Variants in SLC26A7 observed in about 807,000 individuals in gnomAD.
SLC26A7 encodes solute carrier family 26 member 7.
In SLC26A7, 59 loss-of-function variants were observed where a neutral mutation model predicts 82.5. The ratio of observed to expected loss-of-function variants is 0.72; its 90% CI spans 0.58 to 0.89. The LOEUF (loss-of-function observed/expected upper bound fraction) is 0.89, where lower values mean the gene tolerates loss of function less well. Ranked by LOEUF, SLC26A7 falls within the 40% of genes least tolerant of loss-of-function variation. SLC26A7 has a pLI of 0.00. For synonymous variants in SLC26A7, 271 were observed against 274.3 expected, an observed-to-expected ratio of 0.99 and a Z score of 0.12; for missense variants, 820 against 793.0, an observed-to-expected ratio of 1.03 and a Z score of -0.41.
chr8:91,259,392 C>G (rs959146040), intron 2 of SLC26A7, among the ~76,000 whole-genome samples: 1 of 152,066 alleles, frequency 6.6e-6, no homozygotes, highest in South Asian at 2.1e-4. Context: ...TGTTCTCAAA[C>G]TCAGCTCAAG....
chr8:91,394,016 A>G lies in SLC26A7; in HGVS notation c.1912A>G (p.Ile638Val), dbSNP rs911894730. 3 of 1,613,590 alleles carry G rather than the reference A, an allele frequency of 1.9e-6. No individual in the cohort carries two copies. The highest frequency in any genetic ancestry group is 2.2e-5 in the East Asian group (1 of 44,866). Residue 638 changes from isoleucine (I) to valine (V), a missense_variant, in exon 18 of 19, where the codon ATA (isoleucine) becomes GTA (valine). Coordinates refer to ENST00000276609, the MANE Select transcript of SLC26A7 (RefSeq NM_052832.4). ...TTTTTTTGAATCGGTATCTGCTGCA[A>G]TAAGTCATATCCATTCAAATAAGGT... is the stretch of plus-strand genomic sequence containing the variant. The part of the protein sequence containing the change: ...PIFFESVSAA[I>V]SHIHSNKNLS...
chr8:91,237,297 G>T (rs1242649630), intron 2 of SLC26A7, among the ~76,000 whole-genome samples: 1 of 152,112 alleles, frequency 6.6e-6, no homozygotes, highest in Non-Finnish European at 1.5e-5. Flanking sequence ...TCCAAATATC[G>T]TGTGGGACAT....
At chr8:91,252,201 C>G (rs1409957226) in intron 2 of SLC26A7, among the ~76,000 whole-genome samples, 1 of 151,924 alleles carries the variant, frequency 6.6e-6, no homozygotes, top group Non-Finnish European at 1.5e-5. Context: ...ATAAAATTGT[C>G]CAATTTACTG....
At chr8:91,354,585 CTT>C (rs1813809653) in intron 11 of SLC26A7, among the ~76,000 whole-genome samples, 1 of 152,078 alleles carries the variant, frequency 6.6e-6, no homozygotes, top group Admixed American at 6.6e-5. Context: ...AGAAAGGTCA[CTT>C]GAGTAGTTTG....
chr8:91,276,379 A>G (rs983778015), intron 2 of SLC26A7, among the ~76,000 whole-genome samples: 1 of 152,158 alleles, frequency 6.6e-6, no homozygotes, highest in Admixed American at 6.5e-5. Flanking sequence ...CATTCATTTG[A>G]CATTTTTTTA....
At chr8:91,261,648 GT>G (rs1161542325) in intron 2 of SLC26A7, among the ~76,000 whole-genome samples, 1 of 152,030 alleles carries the variant, frequency 6.6e-6, no homozygotes, top group African/African-American at 2.4e-5. Context: ...ATTATATGAT[GT>G]AGAATTTTAA....
intron 2 of SLC26A7, among the ~76,000 whole-genome samples, chr8:91,227,343 A>G (rs1007271708): frequency 2.6e-5 from 4 of 152,230 alleles, no homozygotes; most frequent in Admixed American, 1.3e-4. Context: ...AGAGAATAAA[A>G]AAGAGAAACT....
intron 5 of SLC26A7, among the ~76,000 whole-genome samples, chr8:91,325,646 A>G (rs544608773): frequency 6.6e-6 from 1 of 152,130 alleles, no homozygotes; most frequent in African/African-American, 2.4e-5. Flanking sequence ...GCCATTGAAT[A>G]CCACCACTAA....
In SLC26A7 at chr8:91,334,100, C is replaced by G. The variant is rs575615228; in HGVS notation, c.643-195C>G. On this transcript the variant is annotated intron_variant, in intron 5 of 18. Coordinates refer to ENST00000276609, the MANE Select transcript of SLC26A7 (RefSeq NM_052832.4). ...CAAAACCTGAGTTTGATGAAAGAATCAAGGGTACAGAAATTTTGTAGATGT... is the reference window on the plus strand; with the variant it reads ...CAAAACCTGAGTTTGATGAAAGAATGAAGGGTACAGAAATTTTGTAGATGT... Among the ~76,000 whole-genome samples, 248 of 152,234 alleles carry G rather than the reference C, an allele frequency of 1.6e-3. 1 individual carries two copies. Among genetic ancestry groups the G allele is most frequent in the African/African-American group, 5.6e-3 (233 of 41,556 alleles).
At chr8:91,269,551 T>C (rs1305824411) in intron 2 of SLC26A7, among the ~76,000 whole-genome samples, 1 of 152,184 alleles carries the variant, frequency 6.6e-6, no homozygotes, top group African/African-American at 2.4e-5. Flanking sequence ...TTGAGTATTC[T>C]TTATTTGTAT....
chr8:91,278,177 G>C (rs753967413), intron 2 of SLC26A7, among the ~76,000 whole-genome samples: 4 of 151,980 alleles, frequency 2.6e-5, no homozygotes, highest in African/African-American at 9.7e-5. Flanking sequence ...ATGTATGAGT[G>C]GGCATTAACA....
intron 2 of SLC26A7, among the ~76,000 whole-genome samples, chr8:91,278,844 G>A (rs546696597): frequency 6.5e-4 from 99 of 151,732 alleles, no homozygotes; most frequent in African/African-American, 2.4e-3. Flanking sequence ...TAGGTCTTTT[G>A]AACTTATTTC....
intron 9 of SLC26A7, chr8:91,344,222 TCA>T: frequency 1.0e-6 from 1 of 984,566 alleles, no homozygotes. Flanking sequence ...ATTATTATCC[TCA>T]GTTTCTACAT....
At chr8:91,375,176 TA>T (rs901357831) in intron 15 of SLC26A7, among the ~76,000 whole-genome samples, 7 of 151,236 alleles carry the variant, frequency 4.6e-5, no homozygotes, top group African/African-American at 1.2e-4. Context: ...GTTGGGTCTT[TA>T]AAAAAAAATC....
chr8:91,267,480 A>G (rs1811145726), intron 2 of SLC26A7, among the ~76,000 whole-genome samples: 1 of 151,834 alleles, frequency 6.6e-6, no homozygotes, highest in Non-Finnish European at 1.5e-5. Flanking sequence ...TTCATGATTC[A>G]ATCTTGGTAG....
intron 11 of SLC26A7, among the ~76,000 whole-genome samples, chr8:91,353,548 T>A (rs1813780330): frequency 6.6e-6 from 1 of 152,114 alleles, no homozygotes; most frequent in Non-Finnish European, 1.5e-5. Flanking sequence ...CGAACATAAA[T>A]AGCACACTGA....
At chr8:91,225,192 G>A (rs993844873) in intron 2 of SLC26A7, among the ~76,000 whole-genome samples, 2 of 152,198 alleles carry the variant, frequency 1.3e-5, no homozygotes, top group African/African-American at 4.8e-5. Flanking sequence ...GTGGCAGCAG[G>A]TGCTGGTTGC....
At chr8:91,345,473 G>A (rs2130848003) in intron 9 of SLC26A7, among the ~76,000 whole-genome samples, 1 of 152,222 alleles carries the variant, frequency 6.6e-6, no homozygotes, top group South Asian at 2.1e-4. Flanking sequence ...AACTAAAGGA[G>A]TTAATAATGC....
At position 91,309,438 on chromosome 8, in the gene SLC26A7, C is replaced by T. The variant is rs575002796; in HGVS notation, c.478-8778C>T. Among the ~76,000 whole-genome samples, 4 of 151,686 alleles carry T rather than the reference C, an allele frequency of 2.6e-5. No individual in the cohort carries two copies. The South Asian group carries it at 8.3e-4, about 32-fold the overall frequency. ...AAACCTCCCCCTCCAGCAGTGAGAA[C>T]CTGGCTCCTAACACTCACCATCCAT... is the stretch of plus-strand genomic sequence containing the variant. On this transcript the variant is annotated intron_variant, in intron 4 of 18. Transcript: ENST00000276609.
Sources: allele counts gnomAD v4.1 joint callset (sites outside exome capture counted in the v4.1 genomes callset), GRCh38; gene constraint gnomAD v4.1.1; transcripts MANE v1.5; gene names NCBI Gene and HGNC (gene_info 2026-07-23, HGNC 2026-07-21).